The following CCDC141 variants were observed in gnomAD, a reference collection of about 807,000 sequenced individuals.
CCDC141 encodes coiled-coil domain containing 141, also known as coiled-coil domain-containing protein 141.
In CCDC141, 168 loss-of-function variants were observed where a neutral mutation model predicts 181.0. The observed-to-expected ratio is 0.93, with a 90% confidence interval of 0.82 to 1.05. CCDC141 has a LOEUF of 1.05. CCDC141 is among the 50% of genes least tolerant of loss of function. The pLI is 0.00. For missense variants in CCDC141, 1,902 were observed against 1,788.5 expected, an observed-to-expected ratio of 1.06 and a Z score of -1.14; for synonymous variants, 666 against 642.3, an observed-to-expected ratio of 1.04 and a Z score of -0.56.
chr2:179,039,571 G>A (rs1276574835), intron 2 of CCDC141, among the ~76,000 whole-genome samples: 25 of 152,100 alleles, frequency 1.6e-4, no homozygotes, highest in Non-Finnish European at 1.5e-5. Context: ...AGACTTAAGT[G>A]TTGTGCCCAA....
chr2:178,852,064 T>G (rs1685187619), intron 20 of CCDC141, among the ~76,000 whole-genome samples: 1 of 152,228 alleles, frequency 6.6e-6, no homozygotes, highest in Admixed American at 6.5e-5. Context: ...GCAGTTGGTA[T>G]GTGCCATTAG....
chr2:178,984,246 T>A (rs1231898729), intron 2 of CCDC141, among the ~76,000 whole-genome samples: 1 of 147,270 alleles, frequency 6.8e-6, no homozygotes, highest in African/African-American at 2.5e-5. Flanking sequence ...AATAATATAC[T>A]TTACAGACAA....
chr2:179,033,851 T>C (rs1248597737), intron 2 of CCDC141, among the ~76,000 whole-genome samples: 1 of 152,182 alleles, frequency 6.6e-6, no homozygotes, highest in East Asian at 1.9e-4. Context: ...GAAATGTTTT[T>C]AGTGACAAAT....
At chr2:179,026,777 G>A (rs1460792674) in intron 2 of CCDC141, among the ~76,000 whole-genome samples, 11 of 152,248 alleles carry the variant, frequency 7.2e-5, no homozygotes, top group Admixed American at 6.5e-4. Context: ...AGCCACAGGG[G>A]TGGAGCTGCC....
At chr2:178,850,520 T>C (rs923890759) in intron 20 of CCDC141, among the ~76,000 whole-genome samples, 1 of 152,162 alleles carries the variant, frequency 6.6e-6, no homozygotes, top group African/African-American at 2.4e-5. Context: ...TTCCATAACA[T>C]GGCTTCAATC....
At position 178,854,900 on chromosome 2, in the gene CCDC141, T is replaced by C. The variant is rs182225693; in HGVS notation, c.3060+447A>G. The stretch of plus-strand genomic sequence containing the variant: ...ACTCTACCATTTATCTTCTTGACAG[T>C]AATAAAAGAAAACACCAATAACAAC... On this transcript the variant is annotated intron_variant, in intron 19 of 23. Transcript: ENST00000443758. Among the ~76,000 whole-genome samples the C allele has an allele frequency of 1.6e-3, 239 of 152,290 alleles. 1 individual carries two copies. The highest frequency in any genetic ancestry group is 6.8e-3 in the Middle Eastern group (2 of 294).
intron 16 of CCDC141, among the ~76,000 whole-genome samples, chr2:178,867,136 G>A (rs1685890283): frequency 6.6e-6 from 1 of 152,182 alleles, no homozygotes; most frequent in African/African-American, 2.4e-5. Flanking sequence ...AACCAGCCCT[G>A]GCTAGAATCA....
At chr2:178,911,736 C>T (rs567224096) in intron 7 of CCDC141, among the ~76,000 whole-genome samples, 1 of 152,168 alleles carries the variant, frequency 6.6e-6, no homozygotes, top group Non-Finnish European at 1.5e-5. Context: ...TTTTTTGAAC[C>T]TATGTGACAC....
intron 8 of CCDC141, among the ~76,000 whole-genome samples, chr2:178,889,574 C>T (rs1430670382): frequency 6.6e-6 from 1 of 152,012 alleles, no homozygotes; most frequent in Non-Finnish European, 1.5e-5. Context: ...GTCATTTTAC[C>T]TCAAAATAAT....
At chr2:179,024,968 AAT>A (rs1165461988) in intron 2 of CCDC141, among the ~76,000 whole-genome samples, 1 of 152,068 alleles carries the variant, frequency 6.6e-6, no homozygotes, top group African/African-American at 2.4e-5. Flanking sequence ...TTGGGGCCTG[AAT>A]ATATGAGTCC....
At chr2:178,817,600 T>G in the CCDC141 span, 1 of 470,814 alleles carries the variant, frequency 2.1e-6, no homozygotes, top group East Asian at 6.9e-5. Context: ...CTGGACACTG[T>G]GCAGTGTGGA....
chr2:178,995,756 T>C (rs1481300802), intron 2 of CCDC141, among the ~76,000 whole-genome samples: 1 of 152,178 alleles, frequency 6.6e-6, no homozygotes, highest in Non-Finnish European at 1.5e-5. Flanking sequence ...AACAGACAAC[T>C]GAGTGTCTAA....
At chr2:178,993,600 C>T (rs1692153930) in intron 2 of CCDC141, among the ~76,000 whole-genome samples, 1 of 152,118 alleles carries the variant, frequency 6.6e-6, no homozygotes, top group African/African-American at 2.4e-5. Context: ...ACTTCTGGCC[C>T]CTCCCAAATC....
intron 6 of CCDC141, among the ~76,000 whole-genome samples, chr2:178,930,399 A>T (rs1211373980): frequency 1.3e-5 from 2 of 152,264 alleles, no homozygotes; most frequent in East Asian, 3.9e-4. Context: ...CTGTAGGGAT[A>T]CAATGCAATC....
rs531890405 is a variant in CCDC141 at position 179,031,876 on chromosome 2, T to G, written c.225+15408A>C. On this transcript the variant is annotated intron_variant, in intron 2 of 23. Coordinates refer to ENST00000443758, the MANE Select transcript of CCDC141 (RefSeq NM_173648.4). ...TCTCCAGTTTCAACTACGGAAATAC[T>G]TAGGATGGGTTTTGAGTTGGCTGTT... 3.3e-5 allele frequency among the ~76,000 whole-genome samples: 5 copies of G among 152,266 alleles called. No homozygotes were observed. In the South Asian group the frequency reaches 1.0e-3, roughly 32 times the overall value.
intron 17 of CCDC141, among the ~76,000 whole-genome samples, chr2:178,864,805 T>A (rs1425944610): frequency 6.6e-6 from 1 of 152,252 alleles, no homozygotes; most frequent in Non-Finnish European, 1.5e-5. Flanking sequence ...CTGGGTCTAG[T>A]TGATGTAAAC....
At chr2:178,930,329 A>G (rs1438936623) in intron 6 of CCDC141, among the ~76,000 whole-genome samples, 1 of 152,136 alleles carries the variant, frequency 6.6e-6, no homozygotes, top group Non-Finnish European at 1.5e-5. Flanking sequence ...ATGGCAAGAT[A>G]TCACATGATC....
chr2:178,952,577 G>A (rs1689996031), intron 5 of CCDC141, among the ~76,000 whole-genome samples: 1 of 152,216 alleles, frequency 6.6e-6, no homozygotes, highest in Non-Finnish European at 1.5e-5. Flanking sequence ...GGAAGCAATA[G>A]TCATTCGCAT....
At chr2:178,972,764 G>T (rs963693327) in intron 4 of CCDC141, among the ~76,000 whole-genome samples, 1 of 152,204 alleles carries the variant, frequency 6.6e-6, no homozygotes, top group African/African-American at 2.4e-5. Context: ...TTCAAGGATT[G>T]TTATGTGGTG....
Sources: allele counts gnomAD v4.1 joint callset (sites outside exome capture counted in the v4.1 genomes callset), GRCh38; gene constraint gnomAD v4.1.1; transcripts MANE v1.5; gene names NCBI Gene and HGNC (gene_info 2026-07-23, HGNC 2026-07-21).